The following ARID1B variants were observed in gnomAD, a reference collection of about 807,000 sequenced individuals.
ARID1B encodes the protein AT-rich interactive domain-containing protein 1B.
In ARID1B, 30 loss-of-function variants were observed where a neutral mutation model predicts 212.3. That is an observed-to-expected ratio of 0.14 (90% CI 0.11 to 0.19). The LOEUF (loss-of-function observed/expected upper bound fraction) is 0.19. Ranked by LOEUF, ARID1B falls within the 10% of genes least tolerant of loss-of-function variation. ARID1B has a pLI of 1.00. For synonymous variants in ARID1B, 1,402 were observed against 1,301.7 expected (o/e 1.08, Z -1.66); for missense variants, 2,891 against 3,204.0 (o/e 0.90, Z 2.36).
chr6:156,859,638 A>T (rs1583172839), intron 2 of ARID1B, among the ~76,000 whole-genome samples: 1 of 152,236 alleles, frequency 6.6e-6, no homozygotes, highest in Admixed American at 6.5e-5. Context: ...ATACAGAGCA[A>T]TGCTTATGGC....
chr6:156,985,061 A>G (rs560267122), intron 4 of ARID1B: 2 of 152,270 alleles, frequency 1.3e-5, no homozygotes, highest in African/African-American at 4.8e-5. Context: ...GTTATTAAAT[A>G]TTGCTTTATA....
At chr6:157,135,592 G>T (rs368222381) in intron 7 of ARID1B, among the ~76,000 whole-genome samples, 3 of 152,166 alleles carry the variant, frequency 2.0e-5, no homozygotes, top group South Asian at 4.1e-4. Flanking sequence ...AGCTCGGAGC[G>T]CTGTGTGCTG....
intron 8 of ARID1B, among the ~76,000 whole-genome samples, chr6:157,164,097 T>C (rs1164747893): frequency 6.6e-6 from 1 of 152,228 alleles, no homozygotes; most frequent in Non-Finnish European, 1.5e-5. Flanking sequence ...AATAAATTAC[T>C]GTCACTATCA....
intron 3 of ARID1B, among the ~76,000 whole-genome samples, chr6:156,902,937 C>T (rs944185922): frequency 1.6e-4 from 25 of 152,116 alleles, no homozygotes; most frequent in African/African-American, 6.0e-4. Context: ...AAGGGGCTTT[C>T]AGAGCCTTAT....
intron 2 of ARID1B, among the ~76,000 whole-genome samples, chr6:156,879,321 G>A (rs1292075861): frequency 2.0e-5 from 3 of 152,228 alleles, no homozygotes; most frequent in East Asian, 1.9e-4. Context: ...GTGCTTTGGC[G>A]TTGGCCTGAC....
chr6:157,140,544 A>T (rs1388638481), intron 7 of ARID1B: 2 of 398,324 alleles, frequency 5.0e-6, no homozygotes, highest in Non-Finnish European at 8.8e-6. Flanking sequence ...GTCCAACCAT[A>T]GTTACTATAT....
At chr6:157,052,213 G>A (rs1782655968) in intron 4 of ARID1B, among the ~76,000 whole-genome samples, 1 of 152,178 alleles carries the variant, frequency 6.6e-6, no homozygotes, top group Admixed American at 6.5e-5. Context: ...GTAAAATGAA[G>A]AAACTGATCC....
At chr6:156,880,608 G>A (rs2635622) in intron 2 of ARID1B, among the ~76,000 whole-genome samples, 2 of 151,872 alleles carry the variant, frequency 1.3e-5, no homozygotes, top group East Asian at 3.9e-4. Context: ...GCGTGGTGGC[G>A]CATGCCTGTA....
intron 4 of ARID1B, among the ~76,000 whole-genome samples, chr6:157,021,401 G>A (rs1424427176): frequency 2.0e-5 from 3 of 152,192 alleles, no homozygotes; most frequent in African/African-American, 7.2e-5. Context: ...GAGGCGCTGG[G>A]CGAGGATGAG....
At chr6:156,885,063 T>TTATTAAA (rs1294393447) in intron 2 of ARID1B, among the ~76,000 whole-genome samples, 2 of 152,240 alleles carry the variant, frequency 1.3e-5, no homozygotes, top group Non-Finnish European at 2.9e-5. Context: ...TGAAAATCAT[T>TTATTAAA]GTAGGATACT....
At chr6:157,192,648 T>G (rs1191911249) in intron 15 of ARID1B, among the ~76,000 whole-genome samples, 1 of 152,252 alleles carries the variant, frequency 6.6e-6, no homozygotes, top group Middle Eastern at 3.2e-3. Context: ...TGAGCCATCC[T>G]ACTTTGGTGA....
intron 2 of ARID1B, among the ~76,000 whole-genome samples, chr6:156,876,443 C>A (rs1025739863): frequency 2.0e-5 from 3 of 152,188 alleles, no homozygotes; most frequent in African/African-American, 4.8e-5. Flanking sequence ...GCCCACTCAG[C>A]CCGAGACTCA....
At chr6:156,873,508 G>A (rs1006165273) in intron 2 of ARID1B, among the ~76,000 whole-genome samples, 1 of 152,192 alleles carries the variant, frequency 6.6e-6, no homozygotes, top group African/African-American at 2.4e-5. Context: ...GAGAGAACTG[G>A]TGATTTACAG....
chr6:156,779,210 C>A lies in ARID1B; in HGVS notation c.1530C>A (p.Ser510Arg). ...TCAATCAGCTGCTCACCTCGCCCAG[C>A]CCCATGATGCGGAGCTACGGCGGCA... is the stretch of plus-strand genomic sequence containing the variant. ...PTLNQLLTSPSPMMRSYGGSY... is the reference protein window; with the variant it reads ...PTLNQLLTSPRPMMRSYGGSY... Residue 510 changes from serine (S) to arginine (R), a missense_variant, in exon 1 of 20, where the codon AGC (serine) becomes AGA (arginine). By Grantham distance (110) the Ser-to-Arg change is moderately radical (BLOSUM62 -1). Coordinates refer to ENST00000636930, the MANE Select transcript of ARID1B (RefSeq NM_001374828.1). 7.6e-7 allele frequency: 1 copy of A among 1,315,166 alleles called. No homozygotes were observed. 81.5% of individuals were successfully genotyped at this position (1,315,166 alleles called of 1,614,324 possible).
At position 156,778,589 on chromosome 6, in the gene ARID1B, C is replaced by T. The variant is rs1221990330; in HGVS notation, c.909C>T (p.Gly303=). The T allele has an allele frequency of 7.9e-6, 10 of 1,270,474 alleles. No individual in the cohort carries two copies. The highest frequency in any genetic ancestry group is 9.9e-6 in the Non-Finnish European group (10 of 1,011,442). The allele number at this position is 1,270,474 out of a possible 1,614,324, so 78.7% of individuals were successfully genotyped here. ...TQQPPVAVPG[G]GGGPAAVPEF... ...AGCCGCCGGTCGCCGTGCCCGGGGGCGGCGGCGGCCCGGCGGCCGTCCCGG... is the reference window on the plus strand; with the variant it reads ...AGCCGCCGGTCGCCGTGCCCGGGGGTGGCGGCGGCCCGGCGGCCGTCCCGG... The change falls in exon 1 of 20, where the codon GGC becomes GGT. Residue 303 remains glycine (G), a synonymous_variant. Transcript: ENST00000636930.
At chr6:157,015,640 G>T (rs1779879357) in intron 4 of ARID1B, among the ~76,000 whole-genome samples, 1 of 152,214 alleles carries the variant, frequency 6.6e-6, no homozygotes, top group Non-Finnish European at 1.5e-5. Context: ...GGGACCCACT[G>T]TAGTTAGAAC....
chr6:156,787,695 G>A (rs1199171564), intron 1 of ARID1B, among the ~76,000 whole-genome samples: 1 of 152,158 alleles, frequency 6.6e-6, no homozygotes, highest in Non-Finnish European at 1.5e-5. Context: ...TGCTGAGCAA[G>A]TATCTTTCTG....
chr6:157,079,264 C>T (rs1269329172), intron 4 of ARID1B, among the ~76,000 whole-genome samples: 1 of 152,102 alleles, frequency 6.6e-6, no homozygotes, highest in Non-Finnish European at 1.5e-5. Context: ...GAAGTCTGAG[C>T]TTTTAACTCA....
chr6:157,146,774 C>A (rs1789758265), intron 7 of ARID1B, among the ~76,000 whole-genome samples: 1 of 152,166 alleles, frequency 6.6e-6, no homozygotes, highest in Non-Finnish European at 1.5e-5. Flanking sequence ...AGTTATGTTA[C>A]ATGGATGGAG....
Sources: gnomAD v4.1 joint callset for allele counts (sites outside exome capture counted in the v4.1 genomes callset) on GRCh38, gnomAD v4.1.1 for gene constraint, MANE v1.5 for transcripts, NCBI Gene and HGNC (gene_info 2026-07-23, HGNC 2026-07-21) for gene names.